CSMD3: variants seen among roughly 807,000 people sequenced by gnomAD.
The protein encoded by CSMD3 is CUB and Sushi multiple domains 3.
Under a neutral mutation model 435.2 loss-of-function variants are expected in CSMD3, and 177 were observed. That is an observed-to-expected ratio of 0.41 (90% CI 0.36 to 0.46). CSMD3 has a LOEUF of 0.46. Among genes scored for constraint, CSMD3 ranks in the 20% least tolerant of loss-of-function variants. The pLI, the probability that CSMD3 is intolerant of heterozygous loss-of-function variation, is 0.34. For missense variants in CSMD3, 4,265 were observed against 4,504.6 expected (o/e 0.95, Z 1.52); for synonymous variants, 1,656 against 1,520.5 (o/e 1.09, Z -2.07).
At chr8:113,382,767 G>C (rs1488714851) in intron 1 of CSMD3, among the ~76,000 whole-genome samples, 3 of 152,004 alleles carry the variant, frequency 2.0e-5, no homozygotes, top group African/African-American at 7.2e-5. Flanking sequence ...ATCACTTGAG[G>C]TCAGGAGTTC....
chr8:112,917,343 T>C (rs1308838729), intron 10 of CSMD3, among the ~76,000 whole-genome samples: 1 of 151,722 alleles, frequency 6.6e-6, no homozygotes, highest in East Asian at 1.9e-4. Flanking sequence ...GATGAGGAAA[T>C]AAGGGAATAT....
chr8:112,599,909 A>G (rs900455433), intron 22 of CSMD3, among the ~76,000 whole-genome samples: 14 of 146,618 alleles, frequency 9.5e-5, no homozygotes, highest in African/African-American at 3.6e-4. Context: ...TGGGAGATAT[A>G]CCTAATGCTA....
intron 3 of CSMD3, among the ~76,000 whole-genome samples, chr8:113,215,657 T>C (rs1208932391): frequency 5.3e-5 from 8 of 151,944 alleles, no homozygotes; most frequent in Non-Finnish European, 1.2e-4. Flanking sequence ...TAAAATTAAG[T>C]TTCCATTAAA....
chr8:112,928,679 G>T (rs568617979), intron 9 of CSMD3, among the ~76,000 whole-genome samples: 1 of 149,268 alleles, frequency 6.7e-6, no homozygotes, highest in Admixed American at 6.7e-5. Flanking sequence ...TCTTAATCCA[G>T]TCTATCATTG....
chr8:112,514,245 C>T (rs779624211), intron 28 of CSMD3, among the ~76,000 whole-genome samples: 2 of 151,986 alleles, frequency 1.3e-5, no homozygotes, highest in Non-Finnish European at 2.9e-5. Flanking sequence ...TGAAAACCTA[C>T]GAAAGCCAAC....
At chr8:113,312,406 T>G (rs1375534089) in intron 2 of CSMD3, 2 of 152,180 alleles carry the variant, frequency 1.3e-5, no homozygotes, top group East Asian at 3.8e-4. Context: ...TTATATTGTA[T>G]TCCCCATAAA....
chr8:113,052,708 T>C (rs1261959582), intron 5 of CSMD3, among the ~76,000 whole-genome samples: 1 of 152,120 alleles, frequency 6.6e-6, no homozygotes, highest in African/African-American at 2.4e-5. Flanking sequence ...CTTGACCCAG[T>C]TCAAGGTTAA....
intron 3 of CSMD3, among the ~76,000 whole-genome samples, chr8:113,260,982 C>T (rs1035255761): frequency 1.3e-5 from 2 of 152,066 alleles, no homozygotes; most frequent in African/African-American, 4.8e-5. Context: ...TACTGATGGG[C>T]ATTTGGGTTG....
intron 1 of CSMD3, among the ~76,000 whole-genome samples, chr8:113,352,232 A>G (rs1242670146): frequency 6.6e-6 from 1 of 152,136 alleles, no homozygotes; most frequent in African/African-American, 2.4e-5. Flanking sequence ...CTGCATTGGG[A>G]TGGTCCCTGA....
intron 1 of CSMD3, among the ~76,000 whole-genome samples, chr8:113,336,386 A>C (rs77899046): frequency 0.014 from 2,117 of 152,032 alleles, 51 homozygotes; most frequent in African/African-American, 0.049. Context: ...GCTGCTTTAA[A>C]ATCTTTGTGA....
intron 11 of CSMD3, among the ~76,000 whole-genome samples, chr8:112,839,460 A>G (rs2132523588): frequency 6.6e-6 from 1 of 151,888 alleles, no homozygotes; most frequent in South Asian, 2.1e-4. Flanking sequence ...ATGCTTAGCT[A>G]CTGGAGGATA....
intron 6 of CSMD3, among the ~76,000 whole-genome samples, chr8:113,007,102 C>G (rs576402935): frequency 3.9e-5 from 6 of 151,956 alleles, no homozygotes; most frequent in Non-Finnish European, 8.8e-5. Flanking sequence ...TGTCCCTCTT[C>G]TTTCCTTATA....
rs550067229 is a variant in CSMD3 at position 113,357,872 on chromosome 8, G to A, written c.179-43079C>T. Among the ~76,000 whole-genome samples the A allele has an allele frequency of 1.2e-3, 182 of 152,218 alleles. 2 individuals are homozygous for A. Among genetic ancestry groups the A allele is most frequent in the South Asian group, 1.7e-3 (8 of 4,830 alleles). On this transcript the variant is annotated intron_variant, in intron 1 of 70. Transcript: ENST00000297405. ...TGTGTTTGCTTTCCCTTTGCCTTCT[G>A]CCATGATTGTAAGTTTACTGAGGCC...
chr8:112,669,585 C>A (rs1224146406), intron 16 of CSMD3, among the ~76,000 whole-genome samples: 4 of 152,054 alleles, frequency 2.6e-5, no homozygotes, highest in Non-Finnish European at 4.4e-5. Context: ...AAAACAATAA[C>A]TACTCTTGGC....
At chr8:112,484,048 G>A (rs1819886054) in intron 31 of CSMD3, among the ~76,000 whole-genome samples, 1 of 152,094 alleles carries the variant, frequency 6.6e-6, no homozygotes, top group Admixed American at 6.5e-5. Flanking sequence ...CTAGAAGCCT[G>A]GGGTGAAATA....
At position 113,301,075 on chromosome 8, in the gene CSMD3, A is replaced by G. The variant is rs1588470106; in HGVS notation, c.401+13496T>C. Among the ~76,000 whole-genome samples the G allele has an allele frequency of 4.0e-5, 6 of 148,552 alleles. 1 individual carries two copies. Among genetic ancestry groups the G allele is most frequent in the Admixed American group, 4.0e-4 (6 of 15,090 alleles). On this transcript the variant is annotated intron_variant, in intron 2 of 70. Transcript: ENST00000297405. Reference sequence around the variant, plus strand: ...TTAGGGATGTTCATGTATGATTCATACATGTTCATGTATGATTAAAGTATA... The same window carrying G: ...TTAGGGATGTTCATGTATGATTCATGCATGTTCATGTATGATTAAAGTATA...
At chr8:112,282,473 G>T (rs926387404) in intron 58 of CSMD3, among the ~76,000 whole-genome samples, 1 of 151,708 alleles carries the variant, frequency 6.6e-6, no homozygotes, top group Admixed American at 6.6e-5. Flanking sequence ...TCCATAGCTT[G>T]ACGTAATGCA....
At chr8:112,787,429 C>G (rs1394737730) in intron 13 of CSMD3, among the ~76,000 whole-genome samples, 4 of 152,070 alleles carry the variant, frequency 2.6e-5, no homozygotes, top group Non-Finnish European at 4.4e-5. Context: ...CCTCAAAATA[C>G]TGCTAGGTAT....
chr8:112,655,569 G>T (rs535031948), intron 18 of CSMD3, among the ~76,000 whole-genome samples: 15 of 152,052 alleles, frequency 9.9e-5, no homozygotes, highest in African/African-American at 3.6e-4. Context: ...ACAAAACCAT[G>T]AGATTTAATA....
Sources: allele counts gnomAD v4.1 joint callset (sites outside exome capture counted in the v4.1 genomes callset), GRCh38; gene constraint gnomAD v4.1.1; transcripts MANE v1.5; gene names NCBI Gene and HGNC (gene_info 2026-07-23, HGNC 2026-07-21).